Variants in LRBA observed in about 807,000 individuals in gnomAD.
The protein encoded by LRBA is LPS responsive beige-like anchor protein.
LRBA carries 176 observed loss-of-function variants against 330.0 expected under a neutral mutation model. The observed-to-expected ratio is 0.53, with a 90% CI of 0.47 to 0.60. The LOEUF (loss-of-function observed/expected upper bound fraction) is 0.60. LRBA is among the 20% of genes least tolerant of loss of function. The pLI, the probability that LRBA is intolerant of heterozygous loss-of-function variation, is 0.00. For synonymous variants in LRBA, 1,230 were observed against 1,193.0 expected (o/e 1.03, Z -0.64); for missense variants, 3,259 against 3,444.8 (o/e 0.95, Z 1.35).
intron 40 of LRBA, among the ~76,000 whole-genome samples, chr4:150,569,041 C>A (rs1013635084): frequency 1.3e-5 from 2 of 152,118 alleles, no homozygotes; most frequent in Admixed American, 1.3e-4. Flanking sequence ...GGTGACAATA[C>A]CTACCTCAAG....
chr4:150,896,090 T>C (rs1162477547), intron 16 of LRBA, among the ~76,000 whole-genome samples: 1 of 152,226 alleles, frequency 6.6e-6, no homozygotes, highest in East Asian at 1.9e-4. Flanking sequence ...TCGTAATCTA[T>C]TTTTTCATTT....
At chr4:150,496,890 T>C (rs4380503) in intron 40 of LRBA, among the ~76,000 whole-genome samples, 91,608 of 151,940 alleles carry the variant, frequency 0.6, 31,025 homozygotes, top group Non-Finnish European at 0.75. Context: ...AAACTAATCA[T>C]ACCATTCATT....
rs1046455241 is a variant in LRBA, at chr4:150,998,335, G to A, written c.216+16092C>T. Among the ~76,000 whole-genome samples the A allele has an allele frequency of 7.5e-5, 11 of 146,228 alleles. No individual in the cohort carries two copies. The Middle Eastern group carries it at 0.011, about 146-fold the overall frequency. ...GCCACTGCACTCCAGCCTGGGTAAC[G>A]AGAACGAAACTCCGTCTCAAAAAAA... On this transcript the variant is annotated intron_variant, in intron 2 of 56. Coordinates refer to ENST00000651943, the MANE Select transcript of LRBA (RefSeq NM_001364905.1).
At chr4:150,402,781 A>C (rs1391943809) in intron 47 of LRBA, among the ~76,000 whole-genome samples, 1 of 151,708 alleles carries the variant, frequency 6.6e-6, no homozygotes, top group East Asian at 1.9e-4. Context: ...AGAATTATCT[A>C]TCTCTCTCTA....
At chr4:150,358,303 G>A (rs1738166500) in intron 47 of LRBA, among the ~76,000 whole-genome samples, 1 of 151,998 alleles carries the variant, frequency 6.6e-6, no homozygotes, top group Non-Finnish European at 1.5e-5. Context: ...CTGAGTCCCA[G>A]GACTAATAAC....
chr4:150,548,947 A>C (rs1246203906), intron 40 of LRBA, among the ~76,000 whole-genome samples: 6 of 152,174 alleles, frequency 3.9e-5, no homozygotes. Context: ...CTATATTATA[A>C]ATGTTTAGTA....
chr4:150,296,363 C>A (rs528243245), intron 53 of LRBA, among the ~76,000 whole-genome samples: 206 of 152,166 alleles, frequency 1.4e-3, no homozygotes, highest in African/African-American at 4.8e-3. Flanking sequence ...CCTTAAGCCA[C>A]AAAAGGCAGA....
intron 46 of LRBA, chr4:150,423,630 G>A: frequency 3.5e-6 from 1 of 289,716 alleles, no homozygotes; most frequent in Admixed American, 4.3e-5. Flanking sequence ...CTCACCAACA[G>A]CCCTTCTGGC....
intron 47 of LRBA, among the ~76,000 whole-genome samples, chr4:150,393,400 C>G (rs956032051): frequency 6.6e-6 from 1 of 151,544 alleles, no homozygotes; most frequent in Non-Finnish European, 1.5e-5. Flanking sequence ...TTCTCCCCCC[C>G]ACCTCTACAA....
At chr4:150,302,415 A>G (rs951598360) in intron 53 of LRBA, among the ~76,000 whole-genome samples, 3 of 152,228 alleles carry the variant, frequency 2.0e-5, no homozygotes, top group Non-Finnish European at 4.4e-5. Context: ...ATAGCCTATA[A>G]TATGAAACAT....
intron 34 of LRBA, among the ~76,000 whole-genome samples, chr4:150,773,067 C>A (rs1304147185): frequency 6.6e-6 from 1 of 152,196 alleles, no homozygotes; most frequent in African/African-American, 2.4e-5. Context: ...TCCCACAACA[C>A]TGGAGCCCTA....
intron 56 of LRBA, among the ~76,000 whole-genome samples, chr4:150,271,019 T>C (rs1014132494): frequency 6.6e-6 from 1 of 152,168 alleles, no homozygotes; most frequent in Non-Finnish European, 1.5e-5. Context: ...GTTCATCTCG[T>C]TGGGACTGGT....
chr4:150,485,118 T>C (rs923362441), intron 42 of LRBA, among the ~76,000 whole-genome samples: 48 of 151,998 alleles, frequency 3.2e-4, no homozygotes, highest in Admixed American at 2.9e-3. Flanking sequence ...TAAAATGTTT[T>C]ATACATGTGA....
At chr4:150,458,440 T>C (rs1253665941) in intron 44 of LRBA, among the ~76,000 whole-genome samples, 2 of 151,894 alleles carry the variant, frequency 1.3e-5, no homozygotes, top group South Asian at 2.1e-4. Flanking sequence ...AGTGTACCCA[T>C]GAAAAATTTT....
intron 42 of LRBA, among the ~76,000 whole-genome samples, chr4:150,476,785 A>G (rs964370845): frequency 4.6e-5 from 7 of 152,136 alleles, no homozygotes; most frequent in Non-Finnish European, 1.0e-4. Context: ...GACTCAATAT[A>G]TTTTTGTTAC....
intron 53 of LRBA, among the ~76,000 whole-genome samples, chr4:150,295,872 C>T (rs898154785): frequency 6.6e-6 from 1 of 152,012 alleles, no homozygotes; most frequent in African/African-American, 2.4e-5. Flanking sequence ...CTTCTTTTTT[C>T]CTACTTGCTT....
At chr4:150,783,487 C>T (rs1212464533) in intron 34 of LRBA, among the ~76,000 whole-genome samples, 2 of 152,188 alleles carry the variant, frequency 1.3e-5, no homozygotes, top group African/African-American at 2.4e-5. Context: ...ATCTGATACA[C>T]TGCAACAAGA....
chr4:150,623,744 G>C (rs1418138728), intron 37 of LRBA, among the ~76,000 whole-genome samples: 1 of 151,592 alleles, frequency 6.6e-6, no homozygotes, highest in African/African-American at 2.4e-5. Context: ...AAAAAATCTT[G>C]CCAATTTGAA....
intron 40 of LRBA, 61 bp downstream of exon 40, chr4:150,587,987 C>T (rs199991635): frequency 8.8e-5 from 137 of 1,550,444 alleles, no homozygotes; most frequent in Middle Eastern, 2.3e-4. Context: ...CAATCCCAAT[C>T]CTATCCAACA....
Sources: gnomAD v4.1 joint callset for allele counts (sites outside exome capture counted in the v4.1 genomes callset) on GRCh38, gnomAD v4.1.1 for gene constraint, MANE v1.5 for transcripts, NCBI Gene and HGNC (gene_info 2026-07-23, HGNC 2026-07-21) for gene names.